Variants in XKR3 observed in about 807,000 individuals in gnomAD.
The protein encoded by XKR3 is XK related 3.
Under a neutral mutation model 40.3 loss-of-function variants are expected in XKR3, and 27 were observed. The ratio of observed to expected loss-of-function variants is 0.67; its 90% CI spans 0.49 to 0.92. XKR3 has a LOEUF of 0.92. Ranked by LOEUF, XKR3 falls within the 40% of genes least tolerant of loss-of-function variation. The pLI is 0.00. For missense variants in XKR3, 472 were observed against 537.6 expected (o/e 0.88, Z 1.21); for synonymous variants, 193 against 195.4 (o/e 0.99, Z 0.10).
chr22:16,799,642 AACTC>A (rs1209609772), intron 3 of XKR3, 125 bp downstream of exon 3: 4 of 1,069,890 alleles, frequency 3.7e-6, no homozygotes, highest in African/African-American at 1.6e-5. Context: ...AATTCATAGA[AACTC>A]AATCTTATAA....
intron 3 of XKR3, among the ~76,000 whole-genome samples, chr22:16,798,566 T>C (rs2060152581): frequency 6.6e-6 from 1 of 152,188 alleles, no homozygotes; most frequent in Non-Finnish European, 1.5e-5. Flanking sequence ...AGACATGGGA[T>C]CAACTCAGGT....
chr22:16,821,233 T>C (rs2060254478), intron 1 of XKR3, among the ~76,000 whole-genome samples: 1 of 152,144 alleles, frequency 6.6e-6, no homozygotes, highest in African/African-American at 2.4e-5. Context: ...AAAATGTATA[T>C]ATCAAAGCTG....
At chr22:16,804,772 T>TG (rs2060182884) in intron 2 of XKR3, among the ~76,000 whole-genome samples, 1 of 152,186 alleles carries the variant, frequency 6.6e-6, no homozygotes, top group Admixed American at 6.6e-5. Context: ...TGTTTTGAGC[T>TG]GTCAAGCCTT....
intron 1 of XKR3, among the ~76,000 whole-genome samples, chr22:16,808,467 A>G (rs537687277): frequency 6.6e-6 from 1 of 152,284 alleles, no homozygotes; most frequent in East Asian, 1.9e-4. Flanking sequence ...AAACGGCACA[A>G]TCTAAGCCAA....
chr22:16,804,671 A>C (rs1459506261), intron 2 of XKR3, among the ~76,000 whole-genome samples: 1 of 152,164 alleles, frequency 6.6e-6, no homozygotes, highest in East Asian at 1.9e-4. Flanking sequence ...TTTCCTTTCT[A>C]TCATCCCAGC....
At chr22:16,807,655 T>C (rs1483754116) in intron 2 of XKR3, 84 bp downstream of exon 2, 5 of 1,211,310 alleles carry the variant, frequency 4.1e-6, no homozygotes, top group East Asian at 4.7e-5. Context: ...ACGATAATTA[T>C]GGCATCCTTA....
chr22:16,803,821 C>A (rs559090219), intron 2 of XKR3, among the ~76,000 whole-genome samples: 1 of 152,274 alleles, frequency 6.6e-6, no homozygotes, highest in East Asian at 1.9e-4. Context: ...CAAGAAAGAA[C>A]CATAAAAATG....
chr22:16,807,504 A>G (rs1487770221), intron 2 of XKR3, among the ~76,000 whole-genome samples: 2 of 152,234 alleles, frequency 1.3e-5, no homozygotes, highest in Non-Finnish European at 2.9e-5. Flanking sequence ...ACATACATAG[A>G]AAGAAGAAAT....
At chr22:16,798,959 T>C (rs1299056641) in intron 3 of XKR3, among the ~76,000 whole-genome samples, 2 of 152,196 alleles carry the variant, frequency 1.3e-5, no homozygotes, top group African/African-American at 4.8e-5. Context: ...TCTCACAATA[T>C]TCCCATGTAA....
intron 3 of XKR3, among the ~76,000 whole-genome samples, chr22:16,794,427 T>TAA (rs575401006): frequency 3.3e-4 from 49 of 146,378 alleles, no homozygotes; most frequent in African/African-American, 1.0e-3. Context: ...TTTTCAACAT[T>TAA]AAAAAAAAAA....
In XKR3 at chr22:16,799,923, T is replaced by C. The variant is rs753352907; in HGVS notation, c.437A>G (p.Glu146Gly). Residue 146 changes from glutamate (E) to glycine (G), a missense_variant, in exon 3 of 4, where the codon GAA (glutamate) becomes GGA (glycine). By Grantham distance (98) the Glu-to-Gly change is moderately conservative (BLOSUM62 -2). Transcript: ENST00000684488. ...CCGGATTGAGAATGCAATCTCCCTT[T>C]CCAGCATCGTGTTTCTCTTTGTGAT... ...VSITKRNTML[E>G]REIAFSIRDN... 2.5e-6 allele frequency: 4 copies of C among 1,614,126 alleles called. No homozygotes were observed. In the South Asian group the frequency reaches 4.4e-5, roughly 18 times the overall value.
At chr22:16,786,031 A>C (rs1215218413) in intron 3 of XKR3, among the ~76,000 whole-genome samples, 1 of 152,184 alleles carries the variant, frequency 6.6e-6, no homozygotes, top group Non-Finnish European at 1.5e-5. Flanking sequence ...GGAATACTCA[A>C]AGTGAAACTC....
Position 16,783,734 on chromosome 22 carries a change from T to C in XKR3, c.1265A>G (p.Tyr422Cys), listed in dbSNP as rs757440916. The change falls in exon 4 of 4, where the codon TAT becomes TGT. Residue 422 changes from tyrosine (Y) to cysteine (C), a missense_variant. Physicochemically the swap from Tyr to Cys is radical, Grantham distance 194. Coordinates refer to ENST00000684488, the MANE Select transcript of XKR3 (RefSeq NM_001386955.1). The part of the protein sequence containing the change: ...RTENQPEAPY[Y>C]YVNIEKTEKN... The stretch of plus-strand genomic sequence containing the variant: ...TTCAGTTTTCTCGATGTTTACATAA[T>C]AGTACGGTGCTTCTGGCTGATTTTC... 1 of 1,614,232 alleles carries C rather than the reference T, an allele frequency of 6.2e-7. No homozygotes were observed. The highest frequency in any genetic ancestry group is 8.5e-7 in the Non-Finnish European group (1 of 1,180,050).
Position 16,808,019 on chromosome 22 carries a change from A to G in XKR3, c.55T>C (p.Ser19Pro). 1 of 1,613,460 alleles carries G rather than the reference A, an allele frequency of 6.2e-7. No individual in the cohort carries two copies. Among genetic ancestry groups the G allele is most frequent in the Middle Eastern group, 1.7e-4 (1 of 6,044 alleles). ...DEESTGGVSSSKEEIVLGQRL... is the reference protein window; with the variant it reads ...DEESTGGVSSPKEEIVLGQRL... Reference sequence around the variant, plus strand: ...TGGCCAAGGACTATTTCTTCTTTCGAAGATGAAACTCCTCCTGTGCTTTCT... The same window carrying G: ...TGGCCAAGGACTATTTCTTCTTTCGGAGATGAAACTCCTCCTGTGCTTTCT... The change falls in exon 2 of 4, where the codon TCG becomes CCG. Residue 19 changes from serine to proline, a missense_variant. Physicochemically the swap from Ser to Pro is moderately conservative, Grantham distance 74. Coordinates refer to ENST00000684488, the MANE Select transcript of XKR3 (RefSeq NM_001386955.1).
intron 1 of XKR3, among the ~76,000 whole-genome samples, 30 bp downstream of exon 1, chr22:16,825,261 C>T (rs1374960727): frequency 1.3e-5 from 2 of 152,186 alleles, no homozygotes; most frequent in African/African-American, 4.8e-5. Context: ...AGAAGCTGAT[C>T]TGAGATGGTC....
At chr22:16,806,818 C>T (rs2060191693) in intron 2 of XKR3, among the ~76,000 whole-genome samples, 1 of 151,838 alleles carries the variant, frequency 6.6e-6, no homozygotes, top group South Asian at 2.1e-4. Context: ...ATTGTATTAA[C>T]CTAAAATGTA....
At chr22:16,812,488 A>G (rs2146173382) in intron 1 of XKR3, among the ~76,000 whole-genome samples, 1 of 152,162 alleles carries the variant, frequency 6.6e-6, no homozygotes, top group African/African-American at 2.4e-5. Context: ...CAGCCTGACC[A>G]ACATGGTGAA....
intron 3 of XKR3, among the ~76,000 whole-genome samples, chr22:16,796,920 A>G (rs2060143657): frequency 1.3e-5 from 2 of 152,224 alleles, no homozygotes; most frequent in Non-Finnish European, 2.9e-5. Flanking sequence ...ACTTCAAACT[A>G]CACTTAAAAG....
intron 3 of XKR3, among the ~76,000 whole-genome samples, chr22:16,791,735 A>T (rs867302704): frequency 1.7e-5 from 2 of 116,872 alleles, no homozygotes; most frequent in African/African-American, 6.8e-5. Flanking sequence ...GAGAGGGAGA[A>T]AGAGGGAGAG....
Sources: allele counts gnomAD v4.1 joint callset (sites outside exome capture counted in the v4.1 genomes callset), GRCh38; gene constraint gnomAD v4.1.1; transcripts MANE v1.5; gene names NCBI Gene and HGNC (gene_info 2026-07-23, HGNC 2026-07-21).